MYO15A: variants seen among roughly 807,000 people sequenced by gnomAD.
The protein encoded by MYO15A is unconventional myosin-XV.
Under a neutral mutation model 394.6 loss-of-function variants are expected in MYO15A, and 308 were observed. The observed-to-expected ratio is 0.78, with a 90% CI of 0.71 to 0.86. The LOEUF is 0.86. Among genes scored for constraint, MYO15A ranks in the 40% least tolerant of loss-of-function variants. MYO15A has a pLI of 0.00. For missense variants in MYO15A, 4,606 were observed against 4,799.1 expected, an observed-to-expected ratio of 0.96 and a Z score of 1.19; for synonymous variants, 1,957 against 2,003.8, an observed-to-expected ratio of 0.98 and a Z score of 0.62.
Position 18,132,776 on chromosome 17 carries a change from C to T in MYO15A, c.4320+210C>T, listed in dbSNP as rs1223770703. 2.0e-5 allele frequency among the ~76,000 whole-genome samples: 3 copies of T among 152,198 alleles called. No individual in the cohort carries two copies. The highest frequency in any genetic ancestry group is 2.9e-5 in the Non-Finnish European group (2 of 68,028). On this transcript the variant is annotated intron_variant, in intron 11 of 65. Coordinates refer to ENST00000647165, the MANE Select transcript of MYO15A (RefSeq NM_016239.4). This position sits in a 1 kb window ranked among gnomAD's most constrained non-coding sequence, Gnocchi z 4.6. The stretch of plus-strand genomic sequence containing the variant: ...GCGGAAGCAGGAAAGGCCTACCTGA[C>T]TTCATTTCTCTGGAACCTGGAACAG...
chr17:18,119,337 G>A lies in MYO15A; in HGVS notation c.537G>A (p.Glu179=). 13 of 1,609,516 alleles carry A rather than the reference G, an allele frequency of 8.1e-6. No individual in the cohort carries two copies. Among genetic ancestry groups the A allele is most frequent in the Non-Finnish European group, 1.1e-5 (13 of 1,179,228 alleles). ...AACTCCCCTTCCCGTCGGGTGCCGA[G>A]ATCCTGCGGCCTGGGGGCCGGCTCC... ...SRKLPFPSGA[E]ILRPGGRLRR... is the part of the protein sequence containing the mutation. The change falls in exon 2 of 66, where the codon GAG becomes GAA. Residue 179 remains glutamate (E), a synonymous_variant. Coordinates refer to ENST00000647165, the MANE Select transcript of MYO15A (RefSeq NM_016239.4).
chr17:18,160,279 C>T (rs966298328), intron 56 of MYO15A, among the ~76,000 whole-genome samples: 2 of 152,166 alleles, frequency 1.3e-5, no homozygotes, highest in African/African-American at 2.4e-5. Flanking sequence ...GACAGAAACC[C>T]AACTCAATCT....
Position 18,156,243 on chromosome 17 carries a change from G to A in MYO15A, c.8508G>A (p.Glu2836=). Residue 2836 remains glutamate, a synonymous_variant, in exon 48 of 66, where the codon GAG becomes GAA. Transcript: ENST00000647165. The part of the protein sequence containing the change: ...FVTMPSQNML[E]FNLASEKVIL... ...CCATGCCCTCCCAGAACATGCTGGAGTTCAACCTGGCCAGTGAGAAGGTCA... is the reference window on the plus strand; with the variant it reads ...CCATGCCCTCCCAGAACATGCTGGAATTCAACCTGGCCAGTGAGAAGGTCA... 1 of 1,614,212 alleles carries A rather than the reference G, an allele frequency of 6.2e-7. No homozygotes were observed. The highest frequency in any genetic ancestry group is 8.5e-7 in the Non-Finnish European group (1 of 1,180,032).
At chr17:18,149,162 G>T in intron 33 of MYO15A, 54 bp from the exon 34 acceptor site, 1 of 1,608,084 alleles carries the variant, frequency 6.2e-7, no homozygotes, top group Admixed American at 1.7e-5. Context: ...GAAAATTTGG[G>T]GGATTCTGGG....
chr17:18,133,361 G>T lies in MYO15A; in HGVS notation c.4457G>T (p.Gly1486Val). Reference protein sequence around the residue: ...FRILASILHLGNVYFEKYETD... With the variant: ...FRILASILHLVNVYFEKYETD... ...ATCCTGGCCTCCATCCTGCACCTGG[G>T]CAACGTCTACTTTGAGAAGTATGAG... Residue 1486 changes from glycine (G) to valine (V), a missense_variant, in exon 12 of 66, where the codon GGC becomes GTC. This residue lies in a region of MYO15A where 2,776 missense variants were observed against 3,109.3 expected (regional missense o/e 0.89). Transcript: ENST00000647165. 6.2e-7 allele frequency: 1 copy of T among 1,614,192 alleles called. No individual in the cohort carries two copies. The highest frequency in any genetic ancestry group is 1.1e-5 in the South Asian group (1 of 91,082).
In MYO15A at chr17:18,136,434, G is replaced by A. The variant is rs2046273127; in HGVS notation, c.4614G>A (p.Lys1538=). 1 of 1,613,838 alleles carries A rather than the reference G, an allele frequency of 6.2e-7. No homozygotes were observed. Among genetic ancestry groups the A allele is most frequent in the African/African-American group, 1.3e-5 (1 of 75,062 alleles). ...TFKVTETMRE[K]IFTPLTVESA... is the part of the protein sequence containing the mutation. ...GTCCCTAGGAGACAATGCGAGAGAA[G>A]ATCTTCACGCCCCTAACTGTGGAGA... The change falls in exon 14 of 66, where the codon AAG becomes AAA. Residue 1538 remains lysine (K), a synonymous_variant. Transcript: ENST00000647165.
intron 1 of MYO15A, among the ~76,000 whole-genome samples, 151 bp from the exon 2 acceptor site, chr17:18,118,431 C>A (rs2045822922): frequency 6.6e-6 from 1 of 152,214 alleles, no homozygotes; most frequent in East Asian, 1.9e-4. Context: ...TGGGGTTGAG[C>A]CAGCTGTGGC....
intron 22 of MYO15A, 119 bp downstream of exon 22, chr17:18,141,262 C>A: frequency 7.0e-7 from 1 of 1,430,928 alleles, no homozygotes; most frequent in African/African-American, 1.4e-5. Flanking sequence ...AGGTTGTACA[C>A]TTCACAAGGC....
At position 18,148,773 on chromosome 17, in the gene MYO15A, T is replaced by C. The variant is rs1314480351; in HGVS notation, c.6777T>C (p.Asp2259=). The C allele has an allele frequency of 6.9e-6, 11 of 1,600,138 alleles. No homozygotes were observed. The highest frequency in any genetic ancestry group is 1.7e-5 in the Admixed American group (1 of 58,902). The change falls in exon 33 of 66, where the codon GAT becomes GAC. Residue 2259 remains aspartate (D), a synonymous_variant. Coordinates refer to ENST00000647165, the MANE Select transcript of MYO15A (RefSeq NM_016239.4). This position sits in a 1 kb window ranked among gnomAD's most constrained non-coding sequence, Gnocchi z 4.8. ...ATGCCATCACCAGGGGGCTGGCAGATGGCTGGCGCGGCTGGACCGTGGCCA... is the reference window on the plus strand; with the variant it reads ...ATGCCATCACCAGGGGGCTGGCAGACGGCTGGCGCGGCTGGACCGTGGCCA... ...GDILRHRGLA[D]GWRGWTVAMK...
At chr17:18,169,115 AAAT>A (rs368379543) in intron 62 of MYO15A, among the ~76,000 whole-genome samples, 8,395 of 128,374 alleles carry the variant, frequency 0.065, 422 homozygotes, top group African/African-American at 0.13. Context: ...CTCCATCTCA[AAAT>A]AATAATAATA....
At chr17:18,126,762 G>C (rs747750488) in intron 5 of MYO15A, 29 bp from the exon 6 acceptor site, 4 of 1,613,036 alleles carry the variant, frequency 2.5e-6, no homozygotes, top group Non-Finnish European at 3.4e-6. Context: ...TTAGAGGCAG[G>C]GGCCAGCTCT....
Position 18,150,855 on chromosome 17 carries a change from A to G in MYO15A, c.7415A>G (p.Gln2472Arg), listed in dbSNP as rs749907958. The G allele has an allele frequency of 1.9e-6, 3 of 1,596,314 alleles. No homozygotes were observed. The East Asian group carries it at 6.8e-5, about 36-fold the overall frequency. ...CCCCAGGCCCGGGAGATGACCCTGCAGGCCACGGCACTCCAGCAGCAGCCC... is the reference window on the plus strand; with the variant it reads ...CCCCAGGCCCGGGAGATGACCCTGCGGGCCACGGCACTCCAGCAGCAGCCC... Reference protein sequence around the residue: ...AVLLAREMTLQATALQQQPLS... With the variant: ...AVLLAREMTLRATALQQQPLS... The change falls in exon 38 of 66, where the codon CAG becomes CGG. Residue 2472 changes from glutamine (Q) to arginine (R), a missense_variant. This residue lies in a region of MYO15A where 2,776 missense variants were observed against 3,109.3 expected (regional missense o/e 0.89). Transcript: ENST00000647165. The surrounding 1 kb of genome is among the most constrained non-coding windows in gnomAD (Gnocchi z 4.4).
At position 18,136,028 on chromosome 17, in the gene MYO15A, G is replaced by A. The variant is rs560318584; in HGVS notation, c.4596+204G>A. ...GTTGCATAGGCTGTTTCCTCTACCCGGAATGCTCTTCCTCTTTTCACACCT... is the reference window on the plus strand; with the variant it reads ...GTTGCATAGGCTGTTTCCTCTACCCAGAATGCTCTTCCTCTTTTCACACCT... On this transcript the variant is annotated intron_variant, in intron 13 of 65. Transcript: ENST00000647165. 4.6e-5 allele frequency among the ~76,000 whole-genome samples: 7 copies of A among 152,176 alleles called. No individual in the cohort carries two copies. The South Asian group carries it at 1.0e-3, about 23-fold the overall frequency.
chr17:18,132,459 A>G lies in MYO15A; in HGVS notation c.4213A>G (p.Asn1405Asp), dbSNP rs1444119196. ...EKSRIVFQAK[N>D]ERNYHIFYEL... ...CCACCTACCCACTCTACAGGCCAAA[A>G]ACGAGAGGAATTACCACATCTTCTA... The change falls in exon 11 of 66, where the codon AAC (asparagine) becomes GAC (aspartate). Residue 1405 changes from asparagine to aspartate, a missense_variant. Coordinates refer to ENST00000647165, the MANE Select transcript of MYO15A (RefSeq NM_016239.4). The surrounding 1 kb of genome is among the most constrained non-coding windows in gnomAD (Gnocchi z 4.6). 1.2e-6 allele frequency: 2 copies of G among 1,613,808 alleles called. No homozygotes were observed. The highest frequency in any genetic ancestry group is 2.7e-5 in the African/African-American group (2 of 74,932).
chr17:18,153,746 C>G lies in MYO15A; in HGVS notation c.7967-29C>G. 1 of 1,612,322 alleles carries G rather than the reference C, an allele frequency of 6.2e-7. No individual in the cohort carries two copies. The highest frequency in any genetic ancestry group is 8.5e-7 in the Non-Finnish European group (1 of 1,179,596). On this transcript the variant is annotated intron_variant, in intron 42 of 65. Coordinates refer to ENST00000647165, the MANE Select transcript of MYO15A (RefSeq NM_016239.4). The surrounding 1 kb of genome is among the most constrained non-coding windows in gnomAD (Gnocchi z 4.1). ...TAAATAAAAAAACGAGGTGCCTTCTCCTGACTCCCTGATCCCCGCGCTCTC... is the reference window on the plus strand; with the variant it reads ...TAAATAAAAAAACGAGGTGCCTTCTGCTGACTCCCTGATCCCCGCGCTCTC...
In MYO15A at chr17:18,149,234, G is replaced by A; in HGVS notation, c.6975G>A (p.Trp2325Ter). The A allele has an allele frequency of 6.2e-7, 1 of 1,614,032 alleles. No individual in the cohort carries two copies. The highest frequency in any genetic ancestry group is 2.2e-5 in the East Asian group (1 of 44,876). The change falls in exon 34 of 66, where the codon TGG becomes TGA. Residue 2325 changes from tryptophan to a stop codon, truncating the protein, a stop_gained. Transcript: ENST00000647165. LOFTEE classifies it high-confidence loss of function. ...GGPKVVFGNS[W>*]DSDEDMSTRP... ...TCCACAGGGTGTTTGGGAACAGCTG[G>A]GACTCGGATGAGGACATGTCCACTA...
intron 33 of MYO15A, 64 bp downstream of exon 33, chr17:18,149,016 A>T: frequency 1.3e-6 from 2 of 1,536,204 alleles, no homozygotes; most frequent in Non-Finnish European, 1.8e-6. Flanking sequence ...GGCCACTCCC[A>T]GGCAGAAGGC....
Position 18,121,499 on chromosome 17 carries a change from G to A in MYO15A, c.2699G>A (p.Trp900Ter), listed in dbSNP as rs1300924472. The change falls in exon 2 of 66, where the codon TGG (tryptophan) becomes TAG (stop). Residue 900 changes from tryptophan (W) to a stop codon, truncating the protein, a stop_gained. Coordinates refer to ENST00000647165, the MANE Select transcript of MYO15A (RefSeq NM_016239.4). LOFTEE classifies it high-confidence loss of function. This position sits in a 1 kb window ranked among gnomAD's most constrained non-coding sequence, Gnocchi z 5.3. Reference sequence around the variant, plus strand: ...CACCGACCGCCCAGGGCCGGGGCCTGGCGGGCGCCCCTGGAACACCGGGAG... The same window carrying A: ...CACCGACCGCCCAGGGCCGGGGCCTAGCGGGCGCCCCTGGAACACCGGGAG... ...PFHRPPRAGA[W>*]RAPLEHRESP... 1.9e-6 allele frequency: 3 copies of A among 1,552,534 alleles called. No homozygotes were observed. The highest frequency in any genetic ancestry group is 2.6e-6 in the Non-Finnish European group (3 of 1,148,522).
Position 18,120,576 on chromosome 17 carries a change from C to T in MYO15A, c.1776C>T (p.Ser592=). The part of the protein sequence containing the change: ...EKKPIARLRG[S]QKARAGGPAV... ...AGCCCATCGCGCGGCTCAGGGGCAGCCAGAAGGCCCGGGCGGGCGGCCCTG... is the reference window on the plus strand; with the variant it reads ...AGCCCATCGCGCGGCTCAGGGGCAGTCAGAAGGCCCGGGCGGGCGGCCCTG... Residue 592 remains serine (S), a synonymous_variant, in exon 2 of 66, where the codon AGC becomes AGT. Transcript: ENST00000647165. The T allele has an allele frequency of 1.3e-6, 2 of 1,599,364 alleles. No individual in the cohort carries two copies. The highest frequency in any genetic ancestry group is 8.5e-7 in the Non-Finnish European group (1 of 1,175,062).
Sources: allele counts gnomAD v4.1 joint callset (sites outside exome capture counted in the v4.1 genomes callset), GRCh38; gene constraint gnomAD v4.1.1; regional missense constraint gnomAD v4.1.1; non-coding constraint Gnocchi (gnomAD v3.1); transcripts MANE v1.5; gene names NCBI Gene and HGNC (gene_info 2026-07-23, HGNC 2026-07-21).